Variants in APOD observed in about 807,000 individuals in gnomAD.
The protein encoded by APOD is apolipoprotein D.
In APOD, 22 loss-of-function variants were observed where a neutral mutation model predicts 20.4. The observed-to-expected ratio is 1.08, with a 90% CI of 0.77 to 1.54. The LOEUF is 1.54. Among genes scored for constraint, APOD ranks in the 40% most tolerant of loss-of-function variants. The pLI is 0.00. For synonymous variants in APOD, 97 were observed against 92.4 expected, an observed-to-expected ratio of 1.05 and a Z score of -0.29; for missense variants, 223 against 229.6, an observed-to-expected ratio of 0.97 and a Z score of 0.19.
chr3:195,579,463 T>C lies in APOD; in HGVS notation c.-2A>G. 6.2e-7 allele frequency: 1 copy of C among 1,612,648 alleles called. No individual in the cohort carries two copies. ...AAGCAGCAGCAGCAGCATCACCATC[T>C]TGGGGCTGGGTGGCTGGAGAAGGGA... On this transcript the variant is annotated 5_prime_UTR_variant, in exon 2 of 5. Transcript: ENST00000343267.
At position 195,568,837 on chromosome 3, in the gene APOD, G is replaced by GGTT; in HGVS notation, c.*62_*63insAAC. 2 of 975,808 alleles carry GGTT rather than the reference G, an allele frequency of 2.0e-6. No individual in the cohort carries two copies. The highest frequency in any genetic ancestry group is 3.1e-6 in the Non-Finnish European group (2 of 644,250). 60.4% of individuals were successfully genotyped at this position (975,808 alleles called of 1,614,324 possible). On this transcript the variant is annotated 3_prime_UTR_variant, in exon 5 of 5. Transcript: ENST00000343267. Reference sequence around the variant, plus strand: ...GTTGATTGGTTTGTCTTTATGGGGGGGGGGTAGGGGAAAGCGAAGCAGAAG... The same window carrying GGTT: ...GTTGATTGGTTTGTCTTTATGGGGGGGTTGGGGTAGGGGAAAGCGAAGCAGAAG...
At chr3:195,571,667 A>G (rs977101100) in intron 3 of APOD, among the ~76,000 whole-genome samples, 12 of 152,260 alleles carry the variant, frequency 7.9e-5, no homozygotes, top group African/African-American at 1.9e-4. Context: ...CTTCAACACT[A>G]TCTCTGACTA....
chr3:195,569,444 G>C (rs1720121015), intron 4 of APOD, among the ~76,000 whole-genome samples: 1 of 152,164 alleles, frequency 6.6e-6, no homozygotes, highest in African/African-American at 2.4e-5. Flanking sequence ...CAGCTGCTCT[G>C]TGTATTCCCA....
intron 1 of APOD, among the ~76,000 whole-genome samples, chr3:195,580,245 C>A (rs1203131207): frequency 6.6e-6 from 1 of 152,072 alleles, no homozygotes; most frequent in Non-Finnish European, 1.5e-5. Flanking sequence ...ACAGAGAGTA[C>A]TTAGAGGAGT....
intron 1 of APOD, among the ~76,000 whole-genome samples, chr3:195,581,226 T>C (rs1033149033): frequency 6.6e-6 from 1 of 152,210 alleles, no homozygotes; most frequent in South Asian, 2.1e-4. Context: ...CAGGGGGAGA[T>C]GGTTGCTGAG....
chr3:195,580,358 TTTCTTTCTTC>T (rs1720313920), intron 1 of APOD, among the ~76,000 whole-genome samples: 1 of 80,714 alleles, frequency 1.2e-5, no homozygotes, highest in Admixed American at 1.2e-4. Flanking sequence ...TCTTTTCTTC[TTTCTTTCTTC>T]TTTTTTTTTT....
rs4651 is a variant in APOD, at chr3:195,568,834, G to T, written c.*66C>A. 278 of 1,014,182 alleles carry T rather than the reference G, an allele frequency of 2.7e-4. 2 individuals are homozygous for T. The highest frequency in any genetic ancestry group is 3.9e-4 in the Admixed American group (19 of 48,330). 62.8% of individuals were successfully genotyped at this position (1,014,182 alleles called of 1,614,324 possible). ...GTGGTTGATTGGTTTGTCTTTATGG[G>T]GGGGGGGTAGGGGAAAGCGAAGCAG... On this transcript the variant is annotated 3_prime_UTR_variant, in exon 5 of 5. Coordinates refer to ENST00000343267, the MANE Select transcript of APOD (RefSeq NM_001647.4).
At chr3:195,576,642 T>C (rs767004448) in intron 2 of APOD, among the ~76,000 whole-genome samples, 11 of 151,838 alleles carry the variant, frequency 7.2e-5, no homozygotes, top group Non-Finnish European at 1.3e-4. Flanking sequence ...AGGCCCCATC[T>C]CTATAAAAAA....
chr3:195,581,655 C>T (rs370164107), intron 1 of APOD, among the ~76,000 whole-genome samples: 58 of 152,338 alleles, frequency 3.8e-4, no homozygotes, highest in African/African-American at 1.3e-3. Context: ...TTCTTCTGTG[C>T]ACCGCCATAG....
chr3:195,579,506 G>C lies in APOD; in HGVS notation c.-34-11C>G. On this transcript the variant is annotated splice_polypyrimidine_tract_variant and intron_variant, in intron 1 of 4. Transcript: ENST00000343267. The stretch of plus-strand genomic sequence containing the variant: ...AGAAGGGACCTGGAGCTGCGGGAAC[G>C]CAAAGCAGCTGGGGTTGTCATTCTG... The C allele has an allele frequency of 1.2e-6, 2 of 1,603,020 alleles. No individual in the cohort carries two copies. Among genetic ancestry groups the C allele is most frequent in the Non-Finnish European group, 1.7e-6 (2 of 1,178,782 alleles).
intron 1 of APOD, among the ~76,000 whole-genome samples, chr3:195,579,711 C>T (rs1018567233): frequency 6.6e-6 from 1 of 152,220 alleles, no homozygotes; most frequent in Non-Finnish European, 1.5e-5. Flanking sequence ...AGGGCGCTCT[C>T]TGCCTGGTAT....
In APOD at chr3:195,568,845, G is replaced by A; in HGVS notation, c.*55C>T. The A allele has an allele frequency of 7.3e-7, 1 of 1,367,794 alleles. No individual in the cohort carries two copies. The highest frequency in any genetic ancestry group is 1.0e-6 in the Non-Finnish European group (1 of 961,230). The allele number at this position is 1,367,794 out of a possible 1,614,324, so 84.7% of individuals were successfully genotyped here. A position where few individuals can be genotyped will look rare whatever the true frequency, so the allele number is the denominator to read the frequency against. On this transcript the variant is annotated 3_prime_UTR_variant, in exon 5 of 5. Coordinates refer to ENST00000343267, the MANE Select transcript of APOD (RefSeq NM_001647.4). ...GTTTGTCTTTATGGGGGGGGGGTAGGGGAAAGCGAAGCAGAAGTAACATGG... is the reference window on the plus strand; with the variant it reads ...GTTTGTCTTTATGGGGGGGGGGTAGAGGAAAGCGAAGCAGAAGTAACATGG...
chr3:195,577,931 G>C (rs1421246139), intron 2 of APOD, among the ~76,000 whole-genome samples: 3 of 152,196 alleles, frequency 2.0e-5, no homozygotes, highest in East Asian at 1.9e-4. Flanking sequence ...TCCGTGAATG[G>C]GTATGAGGTT....
At chr3:195,576,072 TCAC>T (rs1720243191) in intron 2 of APOD, among the ~76,000 whole-genome samples, 1 of 152,228 alleles carries the variant, frequency 6.6e-6, no homozygotes. Context: ...AAAGTTCTAC[TCAC>T]TTATTAAAGC....
chr3:195,573,426 C>A (rs1468797376), intron 3 of APOD, among the ~76,000 whole-genome samples: 2 of 152,192 alleles, frequency 1.3e-5, no homozygotes, highest in Non-Finnish European at 2.9e-5. Context: ...AGAAAAGGAG[C>A]TTTCTGATAG....
chr3:195,576,349 T>C (rs1488471419), intron 2 of APOD, among the ~76,000 whole-genome samples: 2 of 152,222 alleles, frequency 1.3e-5, no homozygotes, highest in Non-Finnish European at 2.9e-5. Context: ...TTCAGATCTC[T>C]GGTCAGTATT....
At chr3:195,574,713 T>A (rs998300400) in intron 2 of APOD, among the ~76,000 whole-genome samples, 1 of 152,210 alleles carries the variant, frequency 6.6e-6, no homozygotes, top group Non-Finnish European at 1.5e-5. Flanking sequence ...ATGTGTAAAG[T>A]TATTCATTAC....
chr3:195,581,696 CTGA>C (rs1346809908), intron 1 of APOD, among the ~76,000 whole-genome samples: 1 of 152,244 alleles, frequency 6.6e-6, no homozygotes, highest in African/African-American at 2.4e-5. Context: ...CCTCTGTGAC[CTGA>C]TGAGTCTCAC....
intron 3 of APOD, among the ~76,000 whole-genome samples, chr3:195,572,272 T>A (rs77478825): frequency 6.6e-6 from 1 of 152,044 alleles, no homozygotes; most frequent in East Asian, 1.9e-4. Flanking sequence ...AGCCTCTGAG[T>A]GAGTGTGGGG....
Sources: allele counts gnomAD v4.1 joint callset (sites outside exome capture counted in the v4.1 genomes callset), GRCh38; gene constraint gnomAD v4.1.1; transcripts MANE v1.5; gene names NCBI Gene and HGNC (gene_info 2026-07-23, HGNC 2026-07-21).